The following CDK14 variants were observed in gnomAD, a reference collection of about 807,000 sequenced individuals.
CDK14 encodes cyclin dependent kinase 14.
In CDK14, 34 loss-of-function variants were observed where a neutral mutation model predicts 60.7. That is an observed-to-expected ratio of 0.56 (90% CI 0.43 to 0.75). The LOEUF is 0.75. Ranked by LOEUF, CDK14 falls within the 30% of genes least tolerant of loss-of-function variation. The probability of loss-of-function intolerance (pLI) is 0.00; values close to 1 mark genes in which losing one functional copy is unlikely to be tolerated. For missense variants in CDK14, 482 were observed against 564.1 expected (o/e 0.85, Z 1.47); for synonymous variants, 197 against 203.7 (o/e 0.97, Z 0.28).
intron 10 of CDK14, among the ~76,000 whole-genome samples, chr7:91,036,952 G>A (rs899315591): frequency 2.6e-5 from 4 of 152,224 alleles, no homozygotes; most frequent in Non-Finnish European, 4.4e-5. Context: ...CACTGAAGGC[G>A]AAGGTTGTGA....
intron 12 of CDK14, among the ~76,000 whole-genome samples, chr7:91,105,926 G>T (rs1215614886): frequency 6.6e-6 from 1 of 152,170 alleles, no homozygotes; most frequent in Non-Finnish European, 1.5e-5. Flanking sequence ...AGATGCAATT[G>T]ATTAAATAAT....
chr7:91,188,273 T>C (rs1458968111), intron 14 of CDK14, among the ~76,000 whole-genome samples: 2 of 152,150 alleles, frequency 1.3e-5, no homozygotes, highest in African/African-American at 4.8e-5. Flanking sequence ...ATTCCTCAGA[T>C]ATGTTAACTC....
chr7:91,180,947 C>G (rs1425836059), intron 14 of CDK14, among the ~76,000 whole-genome samples: 1 of 152,144 alleles, frequency 6.6e-6, no homozygotes, highest in Non-Finnish European at 1.5e-5. Flanking sequence ...GATCTACATG[C>G]ACTCTCCCCT....
chr7:90,715,108 A>G (rs148871147), intron 2 of CDK14, among the ~76,000 whole-genome samples: 41 of 152,152 alleles, frequency 2.7e-4, no homozygotes, highest in African/African-American at 9.4e-4. Flanking sequence ...TGGATGCTGT[A>G]TTTTACATGA....
intron 6 of CDK14, among the ~76,000 whole-genome samples, chr7:90,876,106 AT>A (rs2117265690): frequency 6.6e-6 from 1 of 152,266 alleles, no homozygotes; most frequent in African/African-American, 2.4e-5. Context: ...AAGCAATATG[AT>A]TGGGAATTCC....
At chr7:90,634,625 T>C (rs2116414883) in intron 2 of CDK14, among the ~76,000 whole-genome samples, 1 of 152,246 alleles carries the variant, frequency 6.6e-6, no homozygotes, top group South Asian at 2.1e-4. Context: ...CAGCACGATT[T>C]ATAGTCCTTT....
At chr7:90,612,732 A>G (rs1281542798) in intron 2 of CDK14, among the ~76,000 whole-genome samples, 1 of 143,142 alleles carries the variant, frequency 7.0e-6, no homozygotes, top group African/African-American at 2.6e-5. Flanking sequence ...AGATTGTGCC[A>G]CTGCACTCCA....
chr7:90,615,945 A>G (rs1470990223), intron 2 of CDK14, among the ~76,000 whole-genome samples: 9 of 152,200 alleles, frequency 5.9e-5, no homozygotes. Flanking sequence ...CATATCCCTC[A>G]AGTGAGTTCA....
At chr7:90,620,418 C>T (rs536843237) in intron 2 of CDK14, among the ~76,000 whole-genome samples, 8 of 152,170 alleles carry the variant, frequency 5.3e-5, no homozygotes, top group Non-Finnish European at 8.8e-5. Context: ...CGGTGAGTGA[C>T]GCTTCTCCAC....
chr7:90,721,410 G>A (rs924236661), intron 2 of CDK14, among the ~76,000 whole-genome samples: 1 of 152,046 alleles, frequency 6.6e-6, no homozygotes, highest in Non-Finnish European at 1.5e-5. Context: ...TGGTCTTTCA[G>A]CAACTCATCT....
chr7:91,170,182 C>G (rs747343173), intron 14 of CDK14, among the ~76,000 whole-genome samples: 1 of 152,104 alleles, frequency 6.6e-6, no homozygotes, highest in South Asian at 2.1e-4. Flanking sequence ...AGTTGTTCCC[C>G]GTGTGTTCAC....
intron 12 of CDK14, among the ~76,000 whole-genome samples, chr7:91,108,187 A>G (rs189615346): frequency 2.4e-4 from 36 of 152,242 alleles, no homozygotes; most frequent in Non-Finnish European, 4.3e-4. Flanking sequence ...GCAAGCCTGT[A>G]CTCTCAGCCA....
At chr7:91,160,165 T>C (rs1353205581) in intron 14 of CDK14, among the ~76,000 whole-genome samples, 3 of 151,910 alleles carry the variant, frequency 2.0e-5, no homozygotes, top group Non-Finnish European at 4.4e-5. Flanking sequence ...AGGGAGAAAA[T>C]GAAGATGAAA....
At chr7:90,980,790 G>A (rs802396) in intron 9 of CDK14, among the ~76,000 whole-genome samples, 52,094 of 151,964 alleles carry the variant, frequency 0.34, 9,301 homozygotes, top group East Asian at 0.49. Context: ...GCAGATAAGA[G>A]CTTATAAAAA....
chr7:91,023,918 G>T (rs544326701), intron 10 of CDK14, among the ~76,000 whole-genome samples: 54 of 152,114 alleles, frequency 3.5e-4, no homozygotes, highest in African/African-American at 1.1e-3. Flanking sequence ...GATTATAGGT[G>T]CACGCCAACA....
intron 9 of CDK14, among the ~76,000 whole-genome samples, chr7:90,971,478 G>A (rs937061989): frequency 6.6e-6 from 1 of 152,066 alleles, no homozygotes; most frequent in Non-Finnish European, 1.5e-5. Flanking sequence ...TCATGCCATG[G>A]ACAAAGACTA....
chr7:90,649,969 T>C (rs944815243), intron 2 of CDK14, among the ~76,000 whole-genome samples: 3 of 152,228 alleles, frequency 2.0e-5, no homozygotes, highest in African/African-American at 7.2e-5. Context: ...TTTGGGTGTT[T>C]ACCCAGTAAT....
intron 14 of CDK14, among the ~76,000 whole-genome samples, chr7:91,152,157 T>C (rs887483801): frequency 6.6e-6 from 1 of 152,204 alleles, no homozygotes; most frequent in Admixed American, 6.5e-5. Flanking sequence ...GTCTTGTGAA[T>C]CGTGGTATGA....
chr7:90,657,710 G>A (rs945511644), intron 2 of CDK14, among the ~76,000 whole-genome samples: 4 of 152,156 alleles, frequency 2.6e-5, no homozygotes, highest in Non-Finnish European at 5.9e-5. Flanking sequence ...GAGTCATTTG[G>A]TTGCCAAAGG....
Sources: gnomAD v4.1 joint callset for allele counts (sites outside exome capture counted in the v4.1 genomes callset) on GRCh38, gnomAD v4.1.1 for gene constraint, MANE v1.5 for transcripts, NCBI Gene and HGNC (gene_info 2026-07-23, HGNC 2026-07-21) for gene names.